Variants in RBFOX1 observed in about 807,000 individuals in gnomAD.
RBFOX1 encodes the protein RNA binding protein fox-1 homolog 1.
A neutral mutation model predicts 57.7 loss-of-function variants in RBFOX1; 8 were observed. The observed-to-expected ratio is 0.14, with a 90% CI of 0.08 to 0.25. The LOEUF (loss-of-function observed/expected upper bound fraction) is 0.25. RBFOX1 is among the 10% of genes least tolerant of loss of function. The probability of loss-of-function intolerance (pLI) is 1.00; values close to 1 mark genes in which losing one functional copy is unlikely to be tolerated. For missense variants in RBFOX1, 611 were observed against 548.5 expected, an observed-to-expected ratio of 1.11 and a Z score of -1.14; for synonymous variants, 326 against 222.4, an observed-to-expected ratio of 1.47 and a Z score of -4.15.
rs147113806 is a variant in RBFOX1 at position 5,536,383 on chromosome 16, C to T, written c.259-62519C>T. Reference sequence around the variant, plus strand: ...CTGAGTAGCTGGGATTACAGGTGCCCGCCACCATGCCCGGCTAATTTTTGC... The same window carrying T: ...CTGAGTAGCTGGGATTACAGGTGCCTGCCACCATGCCCGGCTAATTTTTGC... On this transcript the variant is annotated intron_variant, in intron 2 of 2. Transcript: ENST00000585867. Among the ~76,000 whole-genome samples, 1,284 of 151,744 alleles carry T rather than the reference C, an allele frequency of 8.5e-3. 25 individuals are homozygous for T. Among genetic ancestry groups the T allele is most frequent in the African/African-American group, 0.028 (1,167 of 41,334 alleles).
At chr16:5,336,948 C>G (rs887879620) in intron 1 of RBFOX1, among the ~76,000 whole-genome samples, 1 of 152,248 alleles carries the variant, frequency 6.6e-6, no homozygotes, top group Non-Finnish European at 1.5e-5. Context: ...CTGCATCTGA[C>G]AGCCCTAAGT....
intron 13 of RBFOX1, among the ~76,000 whole-genome samples, chr16:7,665,611 A>C (rs1049294393): frequency 1.3e-5 from 2 of 152,196 alleles, no homozygotes; most frequent in African/African-American, 4.8e-5. Flanking sequence ...GCTATTTCTC[A>C]TTATGAGAAC....
chr16:6,889,334 C>T (rs533622044), intron 3 of RBFOX1, among the ~76,000 whole-genome samples: 35 of 152,158 alleles, frequency 2.3e-4, no homozygotes, highest in Non-Finnish European at 4.7e-4. Flanking sequence ...GGAAAATTTA[C>T]GAGTATGCAT....
chr16:5,905,193 G>C (rs1042354660), intron 4 of RBFOX1, among the ~76,000 whole-genome samples: 1 of 148,980 alleles, frequency 6.7e-6, no homozygotes, highest in African/African-American at 2.5e-5. Flanking sequence ...TCAGCCTCAC[G>C]AGTAGCTGGG....
intron 4 of RBFOX1, among the ~76,000 whole-genome samples, chr16:7,441,764 G>A (rs867248439): frequency 2.5e-4 from 38 of 152,184 alleles, no homozygotes; most frequent in African/African-American, 8.7e-4. Context: ...GCACACCTCA[G>A]TGTGGAGATG....
rs568563095 is a variant in RBFOX1 at position 6,849,423 on chromosome 16, C to G, written c.-16+194773C>G. 7.9e-5 allele frequency among the ~76,000 whole-genome samples: 12 copies of G among 152,274 alleles called. 1 individual carries two copies. In the South Asian group the frequency reaches 2.3e-3, roughly 29 times the overall value. On this transcript the variant is annotated intron_variant, in intron 3 of 15. Transcript: ENST00000550418. Reference sequence around the variant, plus strand: ...GTGGCTCACACCTGTAATACTAACACTTGGGAGGCTGAGGCTGGTAGATCA... The same window carrying G: ...GTGGCTCACACCTGTAATACTAACAGTTGGGAGGCTGAGGCTGGTAGATCA...
In RBFOX1 at chr16:5,897,129, G is replaced by A. The variant is rs199499777; in HGVS notation, c.351+29794G>A. 3.4e-5 allele frequency among the ~76,000 whole-genome samples: 5 copies of A among 147,644 alleles called. No homozygotes were observed. In the East Asian group the frequency reaches 1.0e-3, roughly 31 times the overall value. On this transcript the variant is annotated intron_variant, in intron 4 of 19. Transcript: ENST00000641259. Reference sequence around the variant, plus strand: ...CGGCTCACTGCAAGCTCCGCTTCCCGGGTTCAAGCGATTCTCCCGCCTCAG... The same window carrying A: ...CGGCTCACTGCAAGCTCCGCTTCCCAGGTTCAAGCGATTCTCCCGCCTCAG...
intron 1 of RBFOX1, among the ~76,000 whole-genome samples, chr16:6,032,455 C>G (rs1024348055): frequency 6.6e-6 from 1 of 152,164 alleles, no homozygotes; most frequent in African/African-American, 2.4e-5. Flanking sequence ...GGGATCCACT[C>G]CAGGGAGAAA....
At chr16:5,638,371 A>T (rs1358196565) in intron 3 of RBFOX1, among the ~76,000 whole-genome samples, 1 of 152,164 alleles carries the variant, frequency 6.6e-6, no homozygotes, top group African/African-American at 2.4e-5. Context: ...GGTACTTGAC[A>T]AGATGGTTCC....
intron 2 of RBFOX1, among the ~76,000 whole-genome samples, chr16:6,383,211 A>T (rs1456441599): frequency 1.3e-5 from 2 of 152,242 alleles, no homozygotes; most frequent in African/African-American, 4.8e-5. Context: ...GAAGCATTTG[A>T]TGGCAGCCTG....
At chr16:6,947,241 T>C (rs1227173062) in intron 3 of RBFOX1, among the ~76,000 whole-genome samples, 2 of 151,950 alleles carry the variant, frequency 1.3e-5, no homozygotes, top group African/African-American at 4.8e-5. Context: ...AAATGATGAG[T>C]CAGAAGCTCT....
At chr16:7,395,680 T>C (rs1471322470) in intron 4 of RBFOX1, among the ~76,000 whole-genome samples, 2 of 152,208 alleles carry the variant, frequency 1.3e-5, no homozygotes, top group African/African-American at 4.8e-5. Flanking sequence ...AGTTATTAAA[T>C]AGATGTGTCT....
At position 7,645,595 on chromosome 16, in the gene RBFOX1, C is replaced by T. The variant is rs180815410; in HGVS notation, c.758-8220C>T. Among the ~76,000 whole-genome samples, 895 of 152,304 alleles carry T rather than the reference C, an allele frequency of 5.9e-3. 6 individuals are homozygous for T. The highest frequency in any genetic ancestry group is 9.5e-3 in the Non-Finnish European group (649 of 68,026). ...ATAGGACATTGCGTTTCTGTAATGT[C>T]AGTGTTGAGATTAAACCAAGCAAAT... is the stretch of plus-strand genomic sequence containing the variant. On this transcript the variant is annotated intron_variant, in intron 11 of 15. Coordinates refer to ENST00000550418, the MANE Select transcript of RBFOX1 (RefSeq NM_018723.4).
At chr16:7,349,298 C>T (rs1298741850) in intron 4 of RBFOX1, among the ~76,000 whole-genome samples, 3 of 152,162 alleles carry the variant, frequency 2.0e-5, no homozygotes, top group Admixed American at 2.0e-4. Context: ...TCTCATCACT[C>T]CTTCTCTCAA....
At chr16:7,115,046 C>G (rs1236813365) in intron 4 of RBFOX1, among the ~76,000 whole-genome samples, 2 of 152,326 alleles carry the variant, frequency 1.3e-5, no homozygotes, top group African/African-American at 4.8e-5. Flanking sequence ...CCTTCTTCAA[C>G]TCACTGAGTT....
At chr16:6,767,164 C>T (rs565822789) in intron 3 of RBFOX1, among the ~76,000 whole-genome samples, 2 of 152,262 alleles carry the variant, frequency 1.3e-5, no homozygotes, top group South Asian at 4.1e-4. Flanking sequence ...TGGCTCCTTA[C>T]CGAGCTCTAG....
chr16:6,829,510 C>A (rs886160654), intron 3 of RBFOX1, among the ~76,000 whole-genome samples: 4 of 148,266 alleles, frequency 2.7e-5, no homozygotes, highest in East Asian at 2.1e-4. Context: ...AAAACGTTAA[C>A]TTATAGGTAC....
intron 4 of RBFOX1, among the ~76,000 whole-genome samples, chr16:7,250,386 CT>C (rs758681338): frequency 6.6e-6 from 1 of 152,172 alleles, no homozygotes; most frequent in Non-Finnish European, 1.5e-5. Flanking sequence ...TTAAAGCCAG[CT>C]TAATGATATA....
chr16:7,119,173 A>G (rs1283282324), intron 4 of RBFOX1, among the ~76,000 whole-genome samples: 4 of 152,128 alleles, frequency 2.6e-5, no homozygotes, highest in African/African-American at 9.7e-5. Context: ...CAGACTAGAA[A>G]CCTACACCAC....
Sources: allele counts gnomAD v4.1 joint callset (sites outside exome capture counted in the v4.1 genomes callset), GRCh38; gene constraint gnomAD v4.1.1; transcripts MANE v1.5; gene names NCBI Gene and HGNC (gene_info 2026-07-23, HGNC 2026-07-21).